Variants in FBXL13 observed in about 807,000 individuals in gnomAD.
The protein encoded by FBXL13 is F-box and leucine-rich repeat protein 13.
FBXL13 carries 67 observed loss-of-function variants against 83.6 expected under a neutral mutation model. That is an observed-to-expected ratio of 0.80 (90% CI 0.66 to 0.98). FBXL13 has a LOEUF of 0.98. Ranked by LOEUF, FBXL13 falls within the 50% of genes least tolerant of loss-of-function variation. FBXL13 has a pLI of 0.00. For synonymous variants in FBXL13, 272 were observed against 299.5 expected, an observed-to-expected ratio of 0.91 and a Z score of 0.95; for missense variants, 822 against 866.5, an observed-to-expected ratio of 0.95 and a Z score of 0.64.
chr7:102,955,533 A>T (rs575042049), intron 8 of FBXL13, among the ~76,000 whole-genome samples: 249 of 152,154 alleles, frequency 1.6e-3, no homozygotes, highest in African/African-American at 5.3e-3. Flanking sequence ...AATAACTAAG[A>T]TCAGAGCAGA....
chr7:102,984,597 G>A (rs1186195741), intron 6 of FBXL13, among the ~76,000 whole-genome samples: 1 of 152,056 alleles, frequency 6.6e-6, no homozygotes, highest in African/African-American at 2.4e-5. Context: ...CTTATATGAT[G>A]TTTTATTTAT....
chr7:102,885,624 G>A (rs989448599), intron 11 of FBXL13, among the ~76,000 whole-genome samples: 3 of 152,052 alleles, frequency 2.0e-5, no homozygotes, highest in African/African-American at 7.2e-5. Flanking sequence ...TAAGTTTGAT[G>A]AAGTTCAGTT....
chr7:102,911,604 T>C lies in FBXL13; in HGVS notation c.1008+1482A>G, dbSNP rs564835788. 1.6e-3 allele frequency among the ~76,000 whole-genome samples: 237 copies of C among 152,278 alleles called. 1 individual carries two copies. The highest frequency in any genetic ancestry group is 2.8e-3 in the Non-Finnish European group (189 of 68,020). ...ATCAAAGGGATAGATCCCAGGTCCT[T>C]GAGGAAGACTTTCCTGAGTTGTAAA... On this transcript the variant is annotated intron_variant, in intron 11 of 19. Transcript: ENST00000313221.
At chr7:102,842,949 T>G (rs1803223891) in intron 17 of FBXL13, among the ~76,000 whole-genome samples, 2 of 152,234 alleles carry the variant, frequency 1.3e-5, no homozygotes, top group South Asian at 4.1e-4. Flanking sequence ...TTCTCCCAAC[T>G]ATGAAGTAGC....
At chr7:102,852,837 G>C (rs920694675) in intron 17 of FBXL13, among the ~76,000 whole-genome samples, 1 of 151,962 alleles carries the variant, frequency 6.6e-6, no homozygotes, top group East Asian at 1.9e-4. Context: ...CCCACTGCTG[G>C]GTATCTACCC....
chr7:102,929,681 A>AG (rs1209637453), intron 9 of FBXL13, among the ~76,000 whole-genome samples: 2 of 151,502 alleles, frequency 1.3e-5, no homozygotes, highest in African/African-American at 4.8e-5. Flanking sequence ...AAAAAAAAAA[A>AG]AAATTAATTA....
At chr7:102,883,458 C>G (rs544435211) in exon 14 of FBXL13, 3 of 1,606,272 alleles carry the variant, frequency 1.9e-6, no homozygotes, top group Non-Finnish European at 2.5e-6. Flanking sequence ...ATCAGTAACC[C>G]TTTTATTTCC....
chr7:102,934,078 C>T (rs779867930), intron 8 of FBXL13: 17 of 1,614,038 alleles, frequency 1.1e-5, no homozygotes, highest in Admixed American at 6.7e-5. Context: ...TCCCGTGTGA[C>T]GTGTACACAT....
intron 8 of FBXL13, among the ~76,000 whole-genome samples, chr7:102,956,841 C>G (rs1165818397): frequency 2.0e-5 from 3 of 152,054 alleles, no homozygotes; most frequent in Non-Finnish European, 4.4e-5. Flanking sequence ...TGTGAAGGAC[C>G]TCTTCAAGGA....
At chr7:102,986,882 T>C (rs1299060761) in intron 6 of FBXL13, among the ~76,000 whole-genome samples, 1 of 150,972 alleles carries the variant, frequency 6.6e-6, no homozygotes, top group Non-Finnish European at 1.5e-5. Context: ...CCAAACTAAG[T>C]GCCCATCAAT....
intron 8 of FBXL13, among the ~76,000 whole-genome samples, chr7:102,951,159 A>T (rs972892528): frequency 2.0e-5 from 3 of 151,996 alleles, no homozygotes; most frequent in South Asian, 2.1e-4. Context: ...CGAGAACCTG[A>T]AATTTCTCTT....
intron 17 of FBXL13, among the ~76,000 whole-genome samples, chr7:102,834,078 A>AAGGAAGGAAGGAAGGG (rs1801263739): frequency 8.9e-6 from 1 of 112,752 alleles, no homozygotes; most frequent in Non-Finnish European, 1.7e-5. Flanking sequence ...GGAAGGAAGG[A>AAGGAAGGAAGGAAGGG]AGGAAAGAAA....
At chr7:102,943,564 G>A (rs1821885726) in intron 8 of FBXL13, among the ~76,000 whole-genome samples, 1 of 152,088 alleles carries the variant, frequency 6.6e-6, no homozygotes, top group Admixed American at 6.6e-5. Context: ...TATTGACTAA[G>A]CATTAAACCA....
chr7:103,033,600 C>T (rs903770895), intron 2 of FBXL13, among the ~76,000 whole-genome samples: 13 of 152,012 alleles, frequency 8.6e-5, no homozygotes, highest in Non-Finnish European at 1.3e-4. Flanking sequence ...TAAGGCAGCG[C>T]GTCTGGAGTT....
chr7:102,971,423 C>T (rs533720215), intron 6 of FBXL13, among the ~76,000 whole-genome samples: 19 of 151,866 alleles, frequency 1.3e-4, no homozygotes, highest in East Asian at 1.2e-3. Flanking sequence ...GATGAAGAAA[C>T]CCCCTCTCTA....
chr7:102,845,580 T>C (rs1469471193), intron 17 of FBXL13, among the ~76,000 whole-genome samples: 1 of 152,180 alleles, frequency 6.6e-6, no homozygotes, highest in African/African-American at 2.4e-5. Context: ...ACATCGTCTT[T>C]AACCACATCT....
rs150232023 is a variant in FBXL13, at chr7:102,887,158, T to C, written c.1009-2846A>G. ...AAGAAAAAGTTAATTATATAAGGCC[T>C]TGCTATACAAAATGTGGTCCATAGA... On this transcript the variant is annotated intron_variant, in intron 11 of 19. Transcript: ENST00000313221. 1.6e-4 allele frequency among the ~76,000 whole-genome samples: 24 copies of C among 152,296 alleles called. No individual in the cohort carries two copies. The East Asian group carries it at 4.6e-3, about 29-fold the overall frequency.
chr7:102,861,376 A>G (rs1806811309), intron 16 of FBXL13, among the ~76,000 whole-genome samples: 1 of 151,756 alleles, frequency 6.6e-6, no homozygotes, highest in South Asian at 2.1e-4. Context: ...CACATTCTGG[A>G]TTTTTCTAAT....
intron 10 of FBXL13, among the ~76,000 whole-genome samples, chr7:102,915,984 CTTT>C (rs1167962491): frequency 6.9e-6 from 1 of 143,952 alleles, no homozygotes. Context: ...TGAGTTTCTT[CTTT>C]TTTTTTTTTT....
Sources: gnomAD v4.1 joint callset for allele counts (sites outside exome capture counted in the v4.1 genomes callset) on GRCh38, gnomAD v4.1.1 for gene constraint, MANE v1.5 for transcripts, NCBI Gene and HGNC (gene_info 2026-07-23, HGNC 2026-07-21) for gene names.